The following PID1 variants were observed in gnomAD, a reference collection of about 807,000 sequenced individuals.
PID1 encodes the protein PTB-containing, cubilin and LRP1-interacting protein.
Under a neutral mutation model 19.1 loss-of-function variants are expected in PID1, and 10 were observed. That is an observed-to-expected ratio of 0.52 (90% CI 0.32 to 0.89). The LOEUF (loss-of-function observed/expected upper bound fraction) is 0.89, where lower values mean the gene tolerates loss of function less well. PID1 is among the 40% of genes least tolerant of loss of function. The pLI is 0.03. For synonymous variants in PID1, 130 were observed against 116.0 expected (o/e 1.12, Z -0.78); for missense variants, 248 against 285.3 (o/e 0.87, Z 0.94).
In PID1 at chr2:229,025,375, A is replaced by AAAG; in HGVS notation, c.*256_*257insCTT. ...ACAGAGAGGCATTGGGAAATGAGAA[A>AAAG]AATAAGAGAGCCTAGAACCTTCCTC... On this transcript the variant is annotated 3_prime_UTR_variant, in exon 3 of 3. Coordinates refer to ENST00000392055, the MANE Select transcript of PID1 (RefSeq NM_001100818.2). 3.2e-6 allele frequency: 1 copy of AAAG among 310,398 alleles called. No individual in the cohort carries two copies. Among genetic ancestry groups the AAAG allele is most frequent in the Non-Finnish European group, 5.5e-6 (1 of 181,486 alleles). The allele number at this position is 310,398 out of a possible 1,614,324, so 19.2% of individuals were successfully genotyped here.
At chr2:229,114,186 C>T (rs1487122999) in intron 2 of PID1, among the ~76,000 whole-genome samples, 1 of 149,580 alleles carries the variant, frequency 6.7e-6, no homozygotes, top group Non-Finnish European at 1.5e-5. Flanking sequence ...CACACACACA[C>T]ACACACACAC....
intron 2 of PID1, among the ~76,000 whole-genome samples, chr2:229,065,651 A>G (rs1355958999): frequency 1.3e-5 from 2 of 150,624 alleles, no homozygotes; most frequent in African/African-American, 4.9e-5. Flanking sequence ...TTTCCTCTTA[A>G]GAAAAGTTTT....
chr2:229,263,720 A>C (rs1033979684), intron 1 of PID1, among the ~76,000 whole-genome samples: 2 of 152,240 alleles, frequency 1.3e-5, no homozygotes, highest in East Asian at 3.8e-4. Flanking sequence ...TCTGTCCCTT[A>C]GAATTTTCTC....
At chr2:229,085,266 G>T (rs1034517735) in intron 2 of PID1, among the ~76,000 whole-genome samples, 1 of 149,890 alleles carries the variant, frequency 6.7e-6, no homozygotes, top group African/African-American at 2.5e-5. Context: ...TTGTCTTCAT[G>T]CAAATGAGGG....
intron 2 of PID1, among the ~76,000 whole-genome samples, chr2:229,138,883 C>T (rs574454675): frequency 1.4e-5 from 2 of 147,552 alleles, no homozygotes; most frequent in Non-Finnish European, 3.0e-5. Flanking sequence ...AAATGGAAAG[C>T]GGGTGGGGAA....
chr2:229,189,735 C>A (rs1197480783), intron 1 of PID1, among the ~76,000 whole-genome samples: 1 of 152,106 alleles, frequency 6.6e-6, no homozygotes, highest in Non-Finnish European at 1.5e-5. Flanking sequence ...TCATAGTTGA[C>A]TGTTGATAAT....
chr2:229,038,927 G>A (rs191467839), intron 2 of PID1, among the ~76,000 whole-genome samples: 2 of 152,016 alleles, frequency 1.3e-5, no homozygotes, highest in Admixed American at 1.3e-4. Flanking sequence ...GCCTAGAATC[G>A]GTAAACAAAC....
chr2:229,269,495 A>C (rs1398846965), intron 1 of PID1, among the ~76,000 whole-genome samples: 1 of 152,238 alleles, frequency 6.6e-6, no homozygotes, highest in Non-Finnish European at 1.5e-5. Flanking sequence ...AGGCCATAAA[A>C]GCCACCTCAA....
chr2:229,199,741 T>TATATAC (rs1691454951), intron 1 of PID1, among the ~76,000 whole-genome samples: 1 of 134,116 alleles, frequency 7.5e-6, no homozygotes, highest in South Asian at 2.3e-4. Context: ...TATATATATA[T>TATATAC]ATATACACAT....
chr2:229,166,553 C>T (rs577818852), intron 1 of PID1, among the ~76,000 whole-genome samples: 2 of 152,136 alleles, frequency 1.3e-5, no homozygotes, highest in Non-Finnish European at 2.9e-5. Flanking sequence ...CTGAGTGGAA[C>T]AGACTAAGAA....
intron 1 of PID1, among the ~76,000 whole-genome samples, chr2:229,252,818 C>A (rs1690189625): frequency 6.6e-6 from 1 of 152,164 alleles, no homozygotes; most frequent in African/African-American, 2.4e-5. Flanking sequence ...CAACACTTCC[C>A]CAAATTTGCA....
At chr2:229,145,069 A>T (rs1690096987) in intron 2 of PID1, among the ~76,000 whole-genome samples, 1 of 150,888 alleles carries the variant, frequency 6.6e-6, no homozygotes, top group Non-Finnish European at 1.5e-5. Flanking sequence ...TGGTTCCCTC[A>T]GTACAGATTC....
At chr2:229,096,438 G>T (rs1694972337) in intron 2 of PID1, among the ~76,000 whole-genome samples, 1 of 152,098 alleles carries the variant, frequency 6.6e-6, no homozygotes. Context: ...AAAGAGCTCA[G>T]CAATTTTCTT....
chr2:229,185,054 T>C (rs1691094224), intron 1 of PID1, among the ~76,000 whole-genome samples: 1 of 142,000 alleles, frequency 7.0e-6, no homozygotes, highest in Non-Finnish European at 1.5e-5. Flanking sequence ...ATGCTACATA[T>C]ATATATCCTC....
At chr2:229,032,684 G>A (rs1413170534) in intron 2 of PID1, among the ~76,000 whole-genome samples, 1 of 152,184 alleles carries the variant, frequency 6.6e-6, no homozygotes, top group Non-Finnish European at 1.5e-5. Flanking sequence ...CTTTTCTATG[G>A]TTGCAGAAAC....
chr2:229,081,929 C>T (rs1694676457), intron 2 of PID1, among the ~76,000 whole-genome samples: 1 of 152,220 alleles, frequency 6.6e-6, no homozygotes, highest in South Asian at 2.1e-4. Context: ...GAAGAATTCT[C>T]AGTCTAGTAC....
At chr2:229,263,618 A>G (rs756939231) in intron 1 of PID1, among the ~76,000 whole-genome samples, 7 of 152,282 alleles carry the variant, frequency 4.6e-5, no homozygotes, top group Non-Finnish European at 1.0e-4. Flanking sequence ...AAAAGGTGAG[A>G]TGGAAGATGT....
At chr2:229,173,384 C>T (rs1375847548) in intron 1 of PID1, among the ~76,000 whole-genome samples, 1 of 152,170 alleles carries the variant, frequency 6.6e-6, no homozygotes, top group East Asian at 1.9e-4. Context: ...GTCATGAAGG[C>T]AAACAGCACT....
chr2:229,183,915 C>A (rs28835872), intron 1 of PID1, among the ~76,000 whole-genome samples: 446 of 16,398 alleles, frequency 0.027, 87 homozygotes, highest in African/African-American at 0.077. Context: ...TATATATCCC[C>A]TATATATATC....
Sources: gnomAD v4.1 joint callset for allele counts (sites outside exome capture counted in the v4.1 genomes callset) on GRCh38, gnomAD v4.1.1 for gene constraint, MANE v1.5 for transcripts, NCBI Gene and HGNC (gene_info 2026-07-23, HGNC 2026-07-21) for gene names.